LRIG1: variants seen among roughly 807,000 people sequenced by gnomAD.
LRIG1 encodes leucine rich repeats and immunoglobulin like domains 1, also known as leucine-rich repeats and immunoglobulin-like domains protein 1.
LRIG1 carries 48 observed loss-of-function variants against 99.2 expected under a neutral mutation model. The ratio of observed to expected loss-of-function variants is 0.48; its 90% CI spans 0.38 to 0.62. LRIG1 has a LOEUF of 0.62. Among genes scored for constraint, LRIG1 ranks in the 20% least tolerant of loss-of-function variants. The pLI, the probability that LRIG1 is intolerant of heterozygous loss-of-function variation, is 0.00. For missense variants in LRIG1, 1,646 were observed against 1,434.4 expected (o/e 1.15, Z -2.38); for synonymous variants, 772 against 596.1 (o/e 1.29, Z -4.30).
At position 66,500,986 on chromosome 3, in the gene LRIG1, C is replaced by A. The variant is rs2106953358; in HGVS notation, c.-579G>T. On this transcript the variant is annotated 5_prime_UTR_variant, in exon 1 of 19. Transcript: ENST00000273261. ...CACGGCTCCTCCGCGCAGCAAGAGT[C>A]CCGCCGACCTCGCAGCCGAACAATC... is the stretch of plus-strand genomic sequence containing the variant. The A allele has an allele frequency of 6.6e-6, 1 of 152,294 alleles. No homozygotes were observed. Among genetic ancestry groups the A allele is most frequent in the South Asian group, 2.1e-4 (1 of 4,838 alleles). The allele number at this position is 152,294 out of a possible 1,614,324, so 9.4% of individuals were successfully genotyped here. A position where few individuals can be genotyped will look rare whatever the true frequency, so the allele number is the denominator to read the frequency against.
chr3:66,418,855 T>C (rs908868515), intron 3 of LRIG1, among the ~76,000 whole-genome samples: 1 of 151,890 alleles, frequency 6.6e-6, no homozygotes, highest in Non-Finnish European at 1.5e-5. Flanking sequence ...AAAGTCCATT[T>C]CCAAGGGTGC....
chr3:66,483,078 A>G (rs1489348144), intron 1 of LRIG1, among the ~76,000 whole-genome samples: 1 of 152,164 alleles, frequency 6.6e-6, no homozygotes, highest in African/African-American at 2.4e-5. Context: ...CCGTAAGGCC[A>G]CCAAGACAGT....
chr3:66,442,956 CA>C (rs1703591934), intron 3 of LRIG1, among the ~76,000 whole-genome samples: 2 of 152,048 alleles, frequency 1.3e-5, no homozygotes, highest in Non-Finnish European at 2.9e-5. Context: ...TCACCACCCC[CA>C]CTCTCAAAGA....
rs753812090 is a variant in LRIG1 at position 66,383,080 on chromosome 3, A to G, written c.2393T>C (p.Ile798Thr). Reference sequence around the variant, plus strand: ...CAGGACGATGCTGCTCACGACAGCAATGGTGAAGATGCCTACCGTGGTCCC... The same window carrying G: ...CAGGACGATGCTGCTCACGACAGCAGTGGTGAAGATGCCTACCGTGGTCCC... ...KDGTTVGIFT[I>T]AVVSSIVLTS... The change falls in exon 15 of 19, where the codon ATT becomes ACT. Residue 798 changes from isoleucine (I) to threonine (T), a missense_variant. Physicochemically the swap from Ile to Thr is moderately conservative, Grantham distance 89. Transcript: ENST00000273261. The G allele has an allele frequency of 1.2e-5, 20 of 1,614,118 alleles. No homozygotes were observed. Among genetic ancestry groups the G allele is most frequent in the African/African-American group, 4.0e-5 (3 of 74,954 alleles).
At chr3:66,395,024 G>C (rs567218338) in intron 11 of LRIG1, among the ~76,000 whole-genome samples, 2 of 152,128 alleles carry the variant, frequency 1.3e-5, no homozygotes, top group Admixed American at 1.3e-4. Flanking sequence ...AACAGAAATC[G>C]GAATCGCCAT....
At chr3:66,386,872 G>A (rs1207798309) in intron 12 of LRIG1, 1 of 152,330 alleles carries the variant, frequency 6.6e-6, no homozygotes, top group East Asian at 1.9e-4. Context: ...AGAAATGTGA[G>A]CTTTGTGGTA....
At chr3:66,427,072 G>C (rs1703006783) in intron 3 of LRIG1, among the ~76,000 whole-genome samples, 2 of 152,120 alleles carry the variant, frequency 1.3e-5, no homozygotes, top group South Asian at 4.1e-4. Context: ...CTAGACTGGG[G>C]GGAAAAAAAA....
intron 12 of LRIG1, 147 bp downstream of exon 12, chr3:66,393,893 A>G: frequency 1.2e-6 from 1 of 810,682 alleles, no homozygotes; most frequent in Non-Finnish European, 2.0e-6. Flanking sequence ...GTGTGGTTTC[A>G]GCAAGAAATA....
At position 66,380,809 on chromosome 3, in the gene LRIG1, G is replaced by A. The variant is rs1165873118; in HGVS notation, c.2823C>T (p.Tyr941=). 1.9e-6 allele frequency: 3 copies of A among 1,614,112 alleles called. No individual in the cohort carries two copies. The African/African-American group carries it at 4.0e-5, about 22-fold the overall frequency. The change falls in exon 18 of 19, where the codon TAC becomes TAT. Residue 941 remains tyrosine (Y), a synonymous_variant. Transcript: ENST00000273261. ...GGGGGTGGAAGGCTTGTCCCCTGGA[G>A]TAACAGTCCACTTCGGTGTTGCAGT... The part of the protein sequence containing the change: ...CSDCNTEVDC[Y]SRGQAFHPQP...
At chr3:66,471,185 C>G (rs1341045615) in intron 1 of LRIG1, among the ~76,000 whole-genome samples, 1 of 152,160 alleles carries the variant, frequency 6.6e-6, no homozygotes, top group Non-Finnish European at 1.5e-5. Flanking sequence ...CACCATTTGG[C>G]TTTGCTATTA....
chr3:66,471,057 T>C (rs1421983897), intron 1 of LRIG1, among the ~76,000 whole-genome samples: 2 of 152,120 alleles, frequency 1.3e-5, no homozygotes, highest in Non-Finnish European at 2.9e-5. Context: ...GGTGGGGACT[T>C]TACAAGCAAA....
intron 1 of LRIG1, among the ~76,000 whole-genome samples, chr3:66,468,485 T>C (rs1700525443): frequency 6.6e-6 from 1 of 152,202 alleles, no homozygotes; most frequent in Admixed American, 6.5e-5. Flanking sequence ...TATTTCCCAT[T>C]ACTCAATTCT....
intron 3 of LRIG1, among the ~76,000 whole-genome samples, 176 bp downstream of exon 3, chr3:66,451,383 C>T (rs1703899919): frequency 6.6e-6 from 1 of 151,802 alleles, no homozygotes; most frequent in African/African-American, 2.4e-5. Context: ...TTTAATTCTG[C>T]AAATCCCAAA....
chr3:66,438,215 C>T (rs1703424808), intron 3 of LRIG1, among the ~76,000 whole-genome samples: 1 of 152,126 alleles, frequency 6.6e-6, no homozygotes, highest in Non-Finnish European at 1.5e-5. Flanking sequence ...TACCCCCTGT[C>T]CCACTCCACG....
chr3:66,435,376 G>C (rs774880899), intron 3 of LRIG1, among the ~76,000 whole-genome samples: 7 of 151,886 alleles, frequency 4.6e-5, no homozygotes, highest in Non-Finnish European at 1.0e-4. Context: ...CTTCCCAACA[G>C]GGTGAAACCC....
chr3:66,456,641 C>T (rs1700228158), intron 2 of LRIG1, among the ~76,000 whole-genome samples: 1 of 151,710 alleles, frequency 6.6e-6, no homozygotes, highest in Non-Finnish European at 1.5e-5. Context: ...CGACAACCCT[C>T]ATTATTTTAC....
chr3:66,445,357 C>A (rs112636033), intron 3 of LRIG1, among the ~76,000 whole-genome samples: 1 of 151,846 alleles, frequency 6.6e-6, no homozygotes. Flanking sequence ...GGTTGCTACG[C>A]GGGGGAAGCC....
rs956189242 is a variant in LRIG1 at position 66,410,422 on chromosome 3, T to C, written c.792-150A>G. On this transcript the variant is annotated intron_variant, in intron 6 of 18. Transcript: ENST00000273261. ...GAACTGTGGAGTCTAGTCGCACACA[T>C]GTGCATGTGAGTAGGGGCTGGGAGA... The C allele has an allele frequency of 7.7e-5, 54 of 703,478 alleles. 1 individual carries two copies. The highest frequency in any genetic ancestry group is 4.2e-4 in the Middle Eastern group (1 of 2,408). 43.6% of individuals were successfully genotyped at this position (703,478 alleles called of 1,614,324 possible). A position where few individuals can be genotyped will look rare whatever the true frequency, so the allele number is the denominator to read the frequency against.
At chr3:66,454,342 TAG>T in intron 2 of LRIG1, among the ~76,000 whole-genome samples, 1 of 152,270 alleles carries the variant, frequency 6.6e-6, no homozygotes, top group Non-Finnish European at 1.5e-5. Context: ...CAGACTGAAA[TAG>T]AGACTGGTCA....
Sources: allele counts gnomAD v4.1 joint callset (sites outside exome capture counted in the v4.1 genomes callset), GRCh38; gene constraint gnomAD v4.1.1; transcripts MANE v1.5; gene names NCBI Gene and HGNC (gene_info 2026-07-23, HGNC 2026-07-21).